The following UBE2L3 variants were observed in gnomAD, a reference collection of about 807,000 sequenced individuals.
UBE2L3 encodes the protein ubiquitin-conjugating enzyme E2 L3.
Under a neutral mutation model 17.8 loss-of-function variants are expected in UBE2L3, and 1 was observed. That is an observed-to-expected ratio of 0.06 (90% CI 0.02 to 0.27). The LOEUF is 0.27. Ranked by LOEUF, UBE2L3 falls within the 10% of genes least tolerant of loss-of-function variation. UBE2L3 has a pLI of 1.00. For synonymous variants in UBE2L3, 44 were observed against 68.5 expected (o/e 0.64, Z 1.76); for missense variants, 40 against 192.6 (o/e 0.21, Z 4.69).
At chr22:21,573,842 C>T (rs903235854) in intron 1 of UBE2L3, among the ~76,000 whole-genome samples, 8 of 152,198 alleles carry the variant, frequency 5.3e-5, no homozygotes, top group African/African-American at 1.9e-4. Flanking sequence ...AGTGTTGAGG[C>T]ATTGGCTTGA....
chr22:21,576,281 A>C (rs1216905097), intron 1 of UBE2L3, among the ~76,000 whole-genome samples: 2 of 149,688 alleles, frequency 1.3e-5, no homozygotes, highest in East Asian at 2.0e-4. Flanking sequence ...CGCCTGGCTA[A>C]TTTTTGCATT....
At chr22:21,596,865 TG>T (rs1272639021) in intron 2 of UBE2L3, among the ~76,000 whole-genome samples, 2 of 152,228 alleles carry the variant, frequency 1.3e-5, no homozygotes, top group African/African-American at 4.8e-5. Flanking sequence ...ACTTTTTTTT[TG>T]TTTTTACGTT....
chr22:21,614,496 C>A (rs370469045), intron 3 of UBE2L3: 3 of 1,097,350 alleles, frequency 2.7e-6, no homozygotes, highest in Non-Finnish European at 3.8e-6. Flanking sequence ...AATCTTCCAG[C>A]GCTCTTCCTT....
chr22:21,609,253 C>T (rs1929347562), intron 2 of UBE2L3, among the ~76,000 whole-genome samples: 1 of 152,140 alleles, frequency 6.6e-6, no homozygotes, highest in African/African-American at 2.4e-5. Flanking sequence ...CAATTACATT[C>T]CTTGGTATTT....
chr22:21,588,718 C>T (rs1231188579), intron 1 of UBE2L3, among the ~76,000 whole-genome samples: 1 of 151,958 alleles, frequency 6.6e-6, no homozygotes, highest in African/African-American at 2.4e-5. Context: ...GGCTGGAGTG[C>T]AGTGGCGCAA....
rs1926340347 is a variant in UBE2L3, at chr22:21,559,085, G to A, written c.201+9435G>A. Among the ~76,000 whole-genome samples the A allele has an allele frequency of 3.3e-5, 5 of 151,526 alleles. No individual in the cohort carries two copies. In the South Asian group the frequency reaches 8.4e-4, roughly 25 times the overall value. On this transcript the variant is annotated intron_variant, in intron 1 of 3. Coordinates refer to the UBE2L3 transcript ENST00000458578. ...AGTGAAGCTGGACATGGTGGCCCAC[G>A]CCTCTAATCTCAGCAGTTTGGGAGG...
intron 1 of UBE2L3, among the ~76,000 whole-genome samples, chr22:21,562,264 G>A (rs1227051421): frequency 2.7e-5 from 4 of 146,714 alleles, no homozygotes; most frequent in Admixed American, 1.4e-4. Context: ...GCGTGATCTC[G>A]GCTCACTGCA....
At chr22:21,587,226 C>G (rs1272623005) in intron 1 of UBE2L3, among the ~76,000 whole-genome samples, 1 of 151,204 alleles carries the variant, frequency 6.6e-6, no homozygotes. Flanking sequence ...AAGTCTTGCT[C>G]TGTCACCAGG....
rs188968709 is a variant in UBE2L3, at chr22:21,581,918, C to T, written c.28-10943C>T. On this transcript the variant is annotated intron_variant, in intron 1 of 3. Coordinates refer to ENST00000342192, the MANE Select transcript of UBE2L3 (RefSeq NM_003347.4). The stretch of plus-strand genomic sequence containing the variant: ...CCTGAGGTCAGGAGTTCCAGACCAG[C>T]CTGGCCAACATGGCAAAACCCCATG... 2.2e-3 allele frequency among the ~76,000 whole-genome samples: 336 copies of T among 151,622 alleles called. 3 individuals carry two copies. Among genetic ancestry groups the T allele is most frequent in the Admixed American group, 0.018 (269 of 15,184 alleles).
Position 21,621,747 on chromosome 22 carries a change from CTG to C in UBE2L3, c.*81_*82del. 5.5e-6 allele frequency: 6 copies of C among 1,096,678 alleles called. No individual in the cohort carries two copies. Among genetic ancestry groups the C allele is most frequent in the South Asian group, 1.5e-5 (1 of 65,680 alleles). 67.9% of individuals were successfully genotyped at this position (1,096,678 alleles called of 1,614,324 possible). On this transcript the variant is annotated 3_prime_UTR_variant, in exon 4 of 4. Coordinates refer to ENST00000342192, the MANE Select transcript of UBE2L3 (RefSeq NM_003347.4). The stretch of plus-strand genomic sequence containing the variant: ...TTCAGACACCCCGCAAAGCAGGACT[CTG>C]TGGAAATTGACACGTGCCACCGCCT...
chr22:21,576,157 C>A (rs1244741382), intron 1 of UBE2L3, among the ~76,000 whole-genome samples: 1 of 150,238 alleles, frequency 6.7e-6, no homozygotes, highest in African/African-American at 2.5e-5. Flanking sequence ...CTCTTTCACC[C>A]AGGCTGGAGT....
At chr22:21,574,426 C>T (rs1387007200) in intron 1 of UBE2L3, among the ~76,000 whole-genome samples, 2 of 152,116 alleles carry the variant, frequency 1.3e-5, no homozygotes, top group African/African-American at 4.8e-5. Context: ...GTGTGAGCTA[C>T]TTGTAGATAT....
At chr22:21,602,863 C>T (rs1928938302) in intron 2 of UBE2L3, among the ~76,000 whole-genome samples, 1 of 152,218 alleles carries the variant, frequency 6.6e-6, no homozygotes, top group Admixed American at 6.5e-5. Flanking sequence ...CAGATGGATA[C>T]CTGCAGATGT....
chr22:21,583,299 A>G (rs1360715385), intron 1 of UBE2L3, among the ~76,000 whole-genome samples: 1 of 151,954 alleles, frequency 6.6e-6, no homozygotes, highest in East Asian at 1.9e-4. Context: ...GACTTTCCTC[A>G]CTGTGACCTA....
At chr22:21,591,924 A>G (rs1163456322) in intron 1 of UBE2L3, among the ~76,000 whole-genome samples, 2 of 152,074 alleles carry the variant, frequency 1.3e-5, no homozygotes, top group Non-Finnish European at 2.9e-5. Context: ...AATGTTGGCG[A>G]GGCTGGTGTT....
Position 21,598,296 on chromosome 22 carries a change from T to C in UBE2L3, c.123+5340T>C, listed in dbSNP as rs372542394. ...TTCCTTAAAATATCCAGTTAGATTA[T>C]TGATTTCAGACTTGCTTTTTCAATG... is the stretch of plus-strand genomic sequence containing the variant. On this transcript the variant is annotated intron_variant, in intron 2 of 3. Transcript: ENST00000342192. Among the ~76,000 whole-genome samples the C allele has an allele frequency of 9.9e-5, 15 of 152,006 alleles. No homozygotes were observed. In the East Asian group the frequency reaches 1.7e-3, roughly 18 times the overall value.
chr22:21,558,847 A>G (rs1926332000), intron 1 of UBE2L3, among the ~76,000 whole-genome samples: 1 of 151,960 alleles, frequency 6.6e-6, no homozygotes, highest in Admixed American at 6.6e-5. Context: ...TGTCTCCTCC[A>G]TGTCTAGAAC....
intron 1 of UBE2L3, among the ~76,000 whole-genome samples, chr22:21,588,463 CTTTTTTT>C (rs1255043408): frequency 5.8e-5 from 6 of 103,338 alleles, no homozygotes; most frequent in Admixed American, 9.7e-5. Context: ...TTTCTTCTTT[CTTTTTTT>C]TTTTTTTTTT....
chr22:21,561,473 T>C (rs1360986588), intron 1 of UBE2L3, among the ~76,000 whole-genome samples: 2 of 152,298 alleles, frequency 1.3e-5, no homozygotes, highest in Non-Finnish European at 2.9e-5. Context: ...TTCTAGCTGC[T>C]TGAGAGTCTG....
Sources: gnomAD v4.1 joint callset for allele counts (sites outside exome capture counted in the v4.1 genomes callset) on GRCh38, gnomAD v4.1.1 for gene constraint, MANE v1.5 for transcripts, NCBI Gene and HGNC (gene_info 2026-07-23, HGNC 2026-07-21) for gene names.